The following SMC6 variants were observed in gnomAD, a reference collection of about 807,000 sequenced individuals.
SMC6 encodes the protein structural maintenance of chromosomes 6, also known as structural maintenance of chromosomes protein 6.
In SMC6, 79 loss-of-function variants were observed where a neutral mutation model predicts 142.2. The observed-to-expected ratio is 0.56, with a 90% CI of 0.46 to 0.67. SMC6 has a LOEUF of 0.67. Among genes scored for constraint, SMC6 ranks in the 30% least tolerant of loss-of-function variants. SMC6 has a pLI of 0.00. For synonymous variants in SMC6, 411 were observed against 412.4 expected, an observed-to-expected ratio of 1.00 and a Z score of 0.04; for missense variants, 1,072 against 1,284.0, an observed-to-expected ratio of 0.83 and a Z score of 2.52.
At chr2:17,735,582 A>AGGCT (rs748644211) in intron 5 of SMC6, among the ~76,000 whole-genome samples, 1 of 152,196 alleles carries the variant, frequency 6.6e-6, no homozygotes, top group Non-Finnish European at 1.5e-5. Context: ...AAAGACCCCA[A>AGGCT]GGCTACCAGG....
intron 11 of SMC6, among the ~76,000 whole-genome samples, chr2:17,720,120 G>T (rs1669296214): frequency 6.6e-6 from 1 of 152,190 alleles, no homozygotes; most frequent in African/African-American, 2.4e-5. Flanking sequence ...GCTCAACCTT[G>T]TGAGTATACT....
At chr2:17,725,154 T>C (rs967072349) in intron 9 of SMC6, 103 bp downstream of exon 9, 15 of 748,252 alleles carry the variant, frequency 2.0e-5, no homozygotes, top group Non-Finnish European at 2.8e-5. Flanking sequence ...ATATTACTAG[T>C]TTTATATAAA....
chr2:17,671,038 T>G (rs979290337), intron 25 of SMC6, among the ~76,000 whole-genome samples: 14 of 148,268 alleles, frequency 9.4e-5, no homozygotes, highest in African/African-American at 2.7e-4. Flanking sequence ...ATTTTTGTGT[T>G]TTTTTTTTTT....
At chr2:17,735,283 G>T (rs16983812) in intron 5 of SMC6, among the ~76,000 whole-genome samples, 1,893 of 152,102 alleles carry the variant, frequency 0.012, 20 homozygotes, top group East Asian at 0.03. Context: ...ATTTTTTTCA[G>T]AATGACAACA....
At chr2:17,700,886 G>A (rs924526450) in intron 20 of SMC6, among the ~76,000 whole-genome samples, 3 of 151,718 alleles carry the variant, frequency 2.0e-5, no homozygotes, top group African/African-American at 4.8e-5. Flanking sequence ...AAAATTAGCC[G>A]GGTGTGGTGG....
chr2:17,720,124 G>A lies in SMC6; in HGVS notation c.945+816C>T, dbSNP rs564953038. The stretch of plus-strand genomic sequence containing the variant: ...CAGTTCTGGCTGCTCAACCTTGTGA[G>A]TATACTAAAACCCAGTGAATTATAC... On this transcript the variant is annotated intron_variant, in intron 11 of 27. Transcript: ENST00000448223. 3.3e-5 allele frequency among the ~76,000 whole-genome samples: 5 copies of A among 152,322 alleles called. No individual in the cohort carries two copies. The South Asian group carries it at 1.0e-3, about 32-fold the overall frequency.
chr2:17,731,049 T>A (rs897555732), intron 7 of SMC6, 29 bp downstream of exon 7: 25 of 1,572,564 alleles, frequency 1.6e-5, no homozygotes, highest in Non-Finnish European at 2.1e-5. Context: ...GGTGTATGAA[T>A]TAATCTGAAA....
chr2:17,714,764 G>A, intron 16 of SMC6, 97 bp downstream of exon 16: 1 of 1,249,032 alleles, frequency 8.0e-7, no homozygotes, highest in Non-Finnish European at 1.1e-6. Flanking sequence ...ACAAATCAGT[G>A]GTAAAGATAT....
At chr2:17,704,917 T>A (rs1438826691) in intron 18 of SMC6, among the ~76,000 whole-genome samples, 1 of 151,344 alleles carries the variant, frequency 6.6e-6, no homozygotes, top group Non-Finnish European at 1.5e-5. Flanking sequence ...TATTTTATCA[T>A]ATATAAACCT....
At chr2:17,686,111 CT>C (rs1667442919) in intron 23 of SMC6, among the ~76,000 whole-genome samples, 1 of 152,126 alleles carries the variant, frequency 6.6e-6, no homozygotes, top group Non-Finnish European at 1.5e-5. Flanking sequence ...TAACTATACA[CT>C]ATACACTTTG....
chr2:17,710,354 ATGG>A (rs1436355857), intron 16 of SMC6, among the ~76,000 whole-genome samples: 10 of 152,310 alleles, frequency 6.6e-5, no homozygotes, highest in Admixed American at 6.5e-4. Context: ...GCTTTCAGAC[ATGG>A]TAAGTTTGAA....
rs116056450 is a variant in SMC6 at position 17,711,195 on chromosome 2, G to A, written c.1731-2442C>T. ...TGTTACTACCAGTTTCCTCTAAAGC[G>A]CCAAGTCACAACTACCTCTTCCTTT... On this transcript the variant is annotated intron_variant, in intron 16 of 27. Transcript: ENST00000448223. 9.2e-3 allele frequency among the ~76,000 whole-genome samples: 1,395 copies of A among 152,142 alleles called. 9 individuals carry two copies. The highest frequency in any genetic ancestry group is 0.014 in the Non-Finnish European group (964 of 67,986).
At chr2:17,746,158 T>A (rs1670735998) in intron 2 of SMC6, 2 of 471,120 alleles carry the variant, frequency 4.2e-6, no homozygotes, top group Non-Finnish European at 3.5e-6. Flanking sequence ...GAAATAGATT[T>A]TCCCCTAGAG....
At chr2:17,717,065 A>G (rs755264207) in intron 13 of SMC6, 23 bp downstream of exon 13, 8 of 1,599,026 alleles carry the variant, frequency 5.0e-6, no homozygotes, top group Non-Finnish European at 6.8e-6. Flanking sequence ...ATAGCCATGA[A>G]AATTTCAAAG....
rs771811673 is a variant in SMC6, at chr2:17,726,487, T to A, written c.544-18A>T. 41 of 1,595,176 alleles carry A rather than the reference T, an allele frequency of 2.6e-5. 2 individuals are homozygous for A. In the South Asian group the frequency reaches 4.5e-4, roughly 17 times the overall value. On this transcript the variant is annotated intron_variant, in intron 7 of 27. Coordinates refer to ENST00000448223, the MANE Select transcript of SMC6 (RefSeq NM_001142286.2). ...TTATCCACCTCAAACAAACAAAAAGTCATTTTTGAATATTTTACTTTAATG... is the reference window on the plus strand; with the variant it reads ...TTATCCACCTCAAACAAACAAAAAGACATTTTTGAATATTTTACTTTAATG...
At chr2:17,692,021 G>C (rs982776908) in intron 23 of SMC6, among the ~76,000 whole-genome samples, 1 of 152,146 alleles carries the variant, frequency 6.6e-6, no homozygotes, top group Non-Finnish European at 1.5e-5. Flanking sequence ...CCTCTTCAAG[G>C]AGAACCACAA....
At chr2:17,740,848 TCAAAAAAACAAAAAA>T (rs202231589) in intron 4 of SMC6, 12,341 of 212,708 alleles carry the variant, frequency 0.058, 417 homozygotes, top group Middle Eastern at 0.091. Flanking sequence ...AGACTCTGTC[TCAAAAAAACAAAAAA>T]CAAAAAAACA....
intron 16 of SMC6, among the ~76,000 whole-genome samples, chr2:17,711,879 A>G (rs962345277): frequency 1.3e-5 from 2 of 152,204 alleles, no homozygotes; most frequent in African/African-American, 4.8e-5. Context: ...TCGGCCTCCC[A>G]AAGTGCTGGG....
chr2:17,734,529 T>C (rs932894765), intron 5 of SMC6, among the ~76,000 whole-genome samples: 12 of 151,576 alleles, frequency 7.9e-5, no homozygotes, highest in African/African-American at 2.4e-4. Flanking sequence ...GCTAGTATGA[T>C]TACTTGGCAT....
Sources: gnomAD v4.1 joint callset for allele counts (sites outside exome capture counted in the v4.1 genomes callset) on GRCh38, gnomAD v4.1.1 for gene constraint, MANE v1.5 for transcripts, NCBI Gene and HGNC (gene_info 2026-07-23, HGNC 2026-07-21) for gene names.